WDR75: variants seen among roughly 807,000 people sequenced by gnomAD.
WDR75 encodes WD repeat-containing protein 75.
Under a neutral mutation model 106.1 loss-of-function variants are expected in WDR75, and 52 were observed. The ratio of observed to expected loss-of-function variants is 0.49; its 90% CI spans 0.39 to 0.62. WDR75 has a LOEUF of 0.62. WDR75 is among the 20% of genes least tolerant of loss of function. The probability of loss-of-function intolerance (pLI) is 0.00; values close to 1 mark genes in which losing one functional copy is unlikely to be tolerated. For synonymous variants in WDR75, 333 were observed against 335.5 expected (o/e 0.99, Z 0.08); for missense variants, 905 against 970.3 (o/e 0.93, Z 0.89).
chr2:189,453,658 T>C (rs1461898007), intron 4 of WDR75, among the ~76,000 whole-genome samples: 1 of 152,314 alleles, frequency 6.6e-6, no homozygotes, highest in South Asian at 2.1e-4. Context: ...TGGCATATAA[T>C]GGGCACCCAG....
chr2:189,457,492 G>A (rs1165037801), intron 6 of WDR75, 111 bp downstream of exon 6: 93 of 689,810 alleles, frequency 1.3e-4, no homozygotes, highest in Non-Finnish European at 7.6e-5. Flanking sequence ...TGTTGCAAGA[G>A]AGTGTAAGAC....
At chr2:189,460,653 C>A (rs1686860508) in intron 8 of WDR75, among the ~76,000 whole-genome samples, 1 of 133,402 alleles carries the variant, frequency 7.5e-6, no homozygotes, top group Non-Finnish European at 1.6e-5. Flanking sequence ...TACAGGCACG[C>A]ACCACCACGC....
At chr2:189,444,381 G>A (rs1030981433) in intron 1 of WDR75, among the ~76,000 whole-genome samples, 2 of 152,108 alleles carry the variant, frequency 1.3e-5, no homozygotes, top group African/African-American at 2.4e-5. Flanking sequence ...AGGGGCATGT[G>A]GGTATACATG....
In WDR75 at chr2:189,462,877, A is replaced by C. The variant is rs529502911; in HGVS notation, c.937+235A>C. Among the ~76,000 whole-genome samples the C allele has an allele frequency of 7.2e-5, 11 of 152,302 alleles. No homozygotes were observed. The East Asian group carries it at 1.9e-3, about 27-fold the overall frequency. On this transcript the variant is annotated intron_variant, in intron 9 of 20. Coordinates refer to ENST00000314761, the MANE Select transcript of WDR75 (RefSeq NM_032168.3). ...AATGGAAGGCTAAGTGTATTTGGTT[A>C]TTGATGTGCCACTTACATTTTCAAA...
At chr2:189,450,373 T>G in intron 2 of WDR75, 6 of 984,622 alleles carry the variant, frequency 6.1e-6, no homozygotes, top group Non-Finnish European at 7.2e-6. Context: ...TTTTGGTTTT[T>G]TTTTCTGGAG....
intron 8 of WDR75, 91 bp downstream of exon 8, chr2:189,459,515 C>A: frequency 8.3e-7 from 1 of 1,208,280 alleles, no homozygotes. Flanking sequence ...AGATTTAAAA[C>A]TGCATGAGCC....
Position 189,459,185 on chromosome 2 carries a change from TTAGAAA to T in WDR75, c.690-144_690-139del, listed in dbSNP as rs1686808848. ...TATTTATAGAAGTCAGTCACTCTGG[TTAGAAA>T]TAGAAAATGTGCACATTAAGACCAG... On this transcript the variant is annotated intron_variant, in intron 7 of 20. Transcript: ENST00000314761. 11 of 626,348 alleles carry T rather than the reference TTAGAAA, an allele frequency of 1.8e-5. 1 individual carries two copies. In the South Asian group the frequency reaches 2.7e-4, roughly 15 times the overall value. 38.8% of individuals were successfully genotyped at this position (626,348 alleles called of 1,614,324 possible).
At position 189,441,670 on chromosome 2, in the gene WDR75, G is replaced by T. The variant is rs1193841308; in HGVS notation, c.86+92G>T. The T allele has an allele frequency of 4.3e-6, 6 of 1,410,896 alleles. No individual in the cohort carries two copies. In the Admixed American group the frequency reaches 9.9e-5, roughly 23 times the overall value. The allele number at this position is 1,410,896 out of a possible 1,614,324, so 87.4% of individuals were successfully genotyped here. A position where few individuals can be genotyped will look rare whatever the true frequency, so the allele number is the denominator to read the frequency against. On this transcript the variant is annotated intron_variant, in intron 1 of 20. Coordinates refer to ENST00000314761, the MANE Select transcript of WDR75 (RefSeq NM_032168.3). ...GGAATTGTCAGTCGCGTTCGGACTC[G>T]CCCGCCTGGCGGATATCGGCTTTGG...
rs752305535 is a variant in WDR75, at chr2:189,467,451, G to C, written c.1448-17G>C. ...CATTTACACAATTTCTGAACATTAT[G>C]GCTTATATTTCCACAGAAAAAGCTG... On this transcript the variant is annotated splice_polypyrimidine_tract_variant and intron_variant, in intron 13 of 20. Coordinates refer to ENST00000314761, the MANE Select transcript of WDR75 (RefSeq NM_032168.3). 21 of 1,584,764 alleles carry C rather than the reference G, an allele frequency of 1.3e-5. No homozygotes were observed. Among genetic ancestry groups the C allele is most frequent in the Non-Finnish European group, 1.7e-5 (20 of 1,165,140 alleles).
At chr2:189,471,490 GT>G (rs1478514810) in intron 18 of WDR75, among the ~76,000 whole-genome samples, 2 of 152,138 alleles carry the variant, frequency 1.3e-5, no homozygotes, top group East Asian at 3.8e-4. Context: ...TTGTGACCAA[GT>G]TTTTATTTTC....
At chr2:189,450,609 A>G in intron 2 of WDR75, 12 of 1,173,232 alleles carry the variant, frequency 1.0e-5, no homozygotes, top group Non-Finnish European at 1.3e-5. Context: ...CAGCCACTGC[A>G]CCTTGGTGCT....
chr2:189,470,012 A>C, intron 16 of WDR75, 64 bp from the exon 17 acceptor site: 3 of 1,426,902 alleles, frequency 2.1e-6, no homozygotes, highest in Non-Finnish European at 2.9e-6. Flanking sequence ...GTGATCTGCC[A>C]GTCTGAGGCT....
At chr2:189,458,975 C>CT (rs1398058332) in intron 7 of WDR75, 103 bp downstream of exon 7, 19 of 1,321,784 alleles carry the variant, frequency 1.4e-5, no homozygotes, top group East Asian at 1.1e-4. Context: ...CCTCCCTTTC[C>CT]TTTTTTGTGT....
intron 13 of WDR75, 77 bp downstream of exon 13, chr2:189,466,659 A>G (rs1003418416): frequency 7.1e-7 from 1 of 1,409,732 alleles, no homozygotes; most frequent in Non-Finnish European, 9.6e-7. Flanking sequence ...ACTTGTATCC[A>G]TCCTGGGAGG....
chr2:189,457,583 T>A (rs1686766592), intron 6 of WDR75, among the ~76,000 whole-genome samples: 1 of 151,526 alleles, frequency 6.6e-6, no homozygotes, highest in Non-Finnish European at 1.5e-5. Flanking sequence ...TAGGAAGCTT[T>A]TTCCAGTCAA....
chr2:189,461,763 T>A (rs1282731052), intron 8 of WDR75, among the ~76,000 whole-genome samples: 1 of 152,190 alleles, frequency 6.6e-6, no homozygotes, highest in Non-Finnish European at 1.5e-5. Flanking sequence ...GCACTAGACA[T>A]CCAGTTAACG....
rs183666328 is a variant in WDR75 at position 189,461,781 on chromosome 2, A to G, written c.779-703A>G. On this transcript the variant is annotated intron_variant, in intron 8 of 20. Coordinates refer to ENST00000314761, the MANE Select transcript of WDR75 (RefSeq NM_032168.3). ...CTAGACATCCAGTTAACGTTGAATCAAAATGGTAATAATATTCTTAATCAC... is the reference window on the plus strand; with the variant it reads ...CTAGACATCCAGTTAACGTTGAATCGAAATGGTAATAATATTCTTAATCAC... Among the ~76,000 whole-genome samples the G allele has an allele frequency of 2.0e-3, 312 of 152,300 alleles. 2 individuals are homozygous for G. Among genetic ancestry groups the G allele is most frequent in the African/African-American group, 6.4e-3 (268 of 41,564 alleles).
At chr2:189,462,701 T>C (rs538037999) in intron 9 of WDR75, 59 bp downstream of exon 9, 1 of 1,523,306 alleles carries the variant, frequency 6.6e-7, no homozygotes, top group Admixed American at 1.8e-5. Context: ...AGCTAGCATC[T>C]GTAGGGAACA....
intron 2 of WDR75, chr2:189,450,490 C>T: frequency 1.1e-6 from 1 of 878,048 alleles, no homozygotes; most frequent in Non-Finnish European, 1.4e-6. Flanking sequence ...GCCACCACGC[C>T]TGGCTAATTT....
Sources: gnomAD v4.1 joint callset for allele counts (sites outside exome capture counted in the v4.1 genomes callset) on GRCh38, gnomAD v4.1.1 for gene constraint, MANE v1.5 for transcripts, NCBI Gene and HGNC (gene_info 2026-07-23, HGNC 2026-07-21) for gene names.